C12orf42: variants seen among roughly 807,000 people sequenced by gnomAD.
The protein encoded by C12orf42 is chromosome 12 open reading frame 42, also known as uncharacterized protein C12orf42.
Under a neutral mutation model 21.6 loss-of-function variants are expected in C12orf42, and 25 were observed. The observed-to-expected ratio is 1.16, with a 90% CI of 0.84 to 1.62. The LOEUF is 1.62. Ranked by LOEUF, C12orf42 falls within the 40% of genes most tolerant of loss-of-function variation. C12orf42 has a pLI of 0.00. For missense variants in C12orf42, 483 were observed against 459.3 expected (o/e 1.05, Z -0.47); for synonymous variants, 174 against 175.0 (o/e 0.99, Z 0.05).
intron 3 of C12orf42, among the ~76,000 whole-genome samples, chr12:103,398,133 A>G (rs2047686226): frequency 6.6e-6 from 1 of 152,236 alleles, no homozygotes; most frequent in Non-Finnish European, 1.5e-5. Context: ...GTGATTCTGC[A>G]GCAGCTTATG....
chr12:103,302,353 T>C lies in C12orf42; in HGVS notation c.838A>G (p.Met280Val). 6.2e-7 allele frequency: 1 copy of C among 1,613,944 alleles called. No individual in the cohort carries two copies. ...TGCTTGGGGAGCATCTCCGGCGCCA[T>C]GGCAACCGCGCCTTTTCCGACGGGA... ...GNPVGKGAVA[M>V]APEMLPKHPH... Residue 280 changes from methionine (M) to valine (V), a missense_variant, in exon 6 of 6, where the codon ATG becomes GTG. By Grantham distance (21) the Met-to-Val change is conservative (BLOSUM62 1). Transcript: ENST00000548883.
At chr12:103,457,029 A>T (rs1952343711) in intron 2 of C12orf42, among the ~76,000 whole-genome samples, 1 of 152,190 alleles carries the variant, frequency 6.6e-6, no homozygotes, top group African/African-American at 2.4e-5. Context: ...TAACCCATGC[A>T]TAATAGAGAG....
chr12:103,509,124 A>C, the C12orf42 span, among the ~76,000 whole-genome samples: 1 of 152,190 alleles, frequency 6.6e-6, no homozygotes, highest in Non-Finnish European at 1.5e-5. Flanking sequence ...AAAATGAAAT[A>C]ATGCTTGTAA....
chr12:103,398,832 C>A (rs2047747509), intron 3 of C12orf42, among the ~76,000 whole-genome samples: 1 of 152,012 alleles, frequency 6.6e-6, no homozygotes, highest in Non-Finnish European at 1.5e-5. Context: ...TACCCTTGAG[C>A]AAATAGCATG....
the C12orf42 span, among the ~76,000 whole-genome samples, chr12:103,232,087 T>G: frequency 6.6e-6 from 1 of 152,212 alleles, no homozygotes; most frequent in Non-Finnish European, 1.5e-5. Flanking sequence ...ATATGCTCAT[T>G]TGCCACCTAG....
At chr12:103,306,954 T>C (rs1237225037) in intron 4 of C12orf42, among the ~76,000 whole-genome samples, 2 of 151,978 alleles carry the variant, frequency 1.3e-5, no homozygotes, top group African/African-American at 4.8e-5. Context: ...GGGACAGATA[T>C]TGGAGATAGC....
chr12:103,241,057 C>T (rs1799256992), intron 10 of C12orf42, among the ~76,000 whole-genome samples: 1 of 152,056 alleles, frequency 6.6e-6, no homozygotes, highest in Non-Finnish European at 1.5e-5. Flanking sequence ...AATTATATTT[C>T]TATTAACCTA....
chr12:103,324,379 CTTA>C (rs1396637152), intron 4 of C12orf42, among the ~76,000 whole-genome samples: 3 of 152,018 alleles, frequency 2.0e-5, no homozygotes, highest in Admixed American at 6.6e-5. Context: ...TAATTAATAA[CTTA>C]TTAAGTCTCC....
At chr12:103,177,136 C>T in the C12orf42 span, among the ~76,000 whole-genome samples, 1 of 151,680 alleles carries the variant, frequency 6.6e-6, no homozygotes, top group Non-Finnish European at 1.5e-5. Context: ...AAAAAAAATT[C>T]TATTGGAAGG....
chr12:103,546,897 G>A, the C12orf42 span, among the ~76,000 whole-genome samples: 6 of 152,298 alleles, frequency 3.9e-5, no homozygotes, highest in South Asian at 2.1e-4. Flanking sequence ...ACAGGGACAC[G>A]GAGATGATGA....
intron 4 of C12orf42, among the ~76,000 whole-genome samples, chr12:103,368,315 T>TCACA (rs139339132): frequency 7.4e-6 from 1 of 135,406 alleles, no homozygotes; most frequent in African/African-American, 3.6e-5. Context: ...TGTCTCTCTC[T>TCACA]CTCACACACA....
At chr12:103,281,915 A>AAAGAAAGAAAAGGAGAAAGAAAAAG (rs2036148047) in intron 4 of C12orf42, among the ~76,000 whole-genome samples, 1 of 141,828 alleles carries the variant, frequency 7.1e-6, no homozygotes, top group Admixed American at 7.3e-5. Context: ...AGAAGAAAGA[A>AAAGAAAGAAAAGGAGAAAGAAAAAG]AAAGAAAGAA....
At chr12:103,434,755 C>T (rs563132601) in intron 2 of C12orf42, among the ~76,000 whole-genome samples, 1 of 152,340 alleles carries the variant, frequency 6.6e-6, no homozygotes, top group African/African-American at 2.4e-5. Flanking sequence ...GTCCTACGCC[C>T]ACGGACTCTT....
At chr12:103,181,547 T>C in the C12orf42 span, among the ~76,000 whole-genome samples, 2 of 152,216 alleles carry the variant, frequency 1.3e-5, no homozygotes, top group Non-Finnish European at 2.9e-5. Context: ...TGTTTCAGTT[T>C]GAAACACCAG....
intron 1 of C12orf42, among the ~76,000 whole-genome samples, chr12:103,490,304 T>C (rs1955110986): frequency 1.3e-5 from 2 of 152,348 alleles, no homozygotes; most frequent in Middle Eastern, 6.8e-3. Flanking sequence ...CATAAATGCA[T>C]CTTACAATGT....
intron 2 of C12orf42, among the ~76,000 whole-genome samples, chr12:103,410,347 T>C (rs1399432714): frequency 6.6e-6 from 1 of 152,210 alleles, no homozygotes; most frequent in East Asian, 1.9e-4. Context: ...CCATTTAATC[T>C]CTATGCTTGT....
At chr12:103,468,762 C>T (rs1162424323) in intron 2 of C12orf42, among the ~76,000 whole-genome samples, 2 of 151,600 alleles carry the variant, frequency 1.3e-5, no homozygotes, top group African/African-American at 4.8e-5. Context: ...CACCCAAGTG[C>T]AAATTACCTC....
chr12:103,386,645 C>G (rs1384609695), intron 3 of C12orf42, among the ~76,000 whole-genome samples: 2 of 152,180 alleles, frequency 1.3e-5, no homozygotes, highest in African/African-American at 4.8e-5. Context: ...TTAGCATGAT[C>G]CAAAATACAG....
chr12:103,256,938 T>C (rs1174573763), intron 10 of C12orf42, among the ~76,000 whole-genome samples: 5 of 152,200 alleles, frequency 3.3e-5, no homozygotes, highest in Admixed American at 3.3e-4. Context: ...TGACTTTTAA[T>C]AATAGCTATT....
Sources: gnomAD v4.1 joint callset for allele counts (sites outside exome capture counted in the v4.1 genomes callset) on GRCh38, gnomAD v4.1.1 for gene constraint, MANE v1.5 for transcripts, NCBI Gene and HGNC (gene_info 2026-07-23, HGNC 2026-07-21) for gene names.